ZMAT4: variants seen among roughly 807,000 people sequenced by gnomAD.
ZMAT4 encodes zinc finger matrin-type 4, also known as zinc finger matrin-type protein 4.
ZMAT4 carries 17 observed loss-of-function variants against 28.7 expected under a neutral mutation model. The observed-to-expected ratio is 0.59, with a 90% confidence interval of 0.41 to 0.89. The LOEUF (loss-of-function observed/expected upper bound fraction) is 0.89. ZMAT4 is among the 40% of genes least tolerant of loss of function. The pLI is 0.00. For synonymous variants in ZMAT4, 117 were observed against 109.2 expected (o/e 1.07, Z -0.44); for missense variants, 240 against 283.8 (o/e 0.85, Z 1.11).
rs118157027 is a variant in ZMAT4, at chr8:40,703,507, G to A, written c.193-6106C>T. 5.5e-4 allele frequency among the ~76,000 whole-genome samples: 84 copies of A among 152,320 alleles called. 1 individual carries two copies. In the East Asian group the frequency reaches 0.016, roughly 29 times the overall value. ...CCACATAATGTATGACTCTGTTTATGTGATATTTCCAGAATAAGAAAATCT... is the reference window on the plus strand; with the variant it reads ...CCACATAATGTATGACTCTGTTTATATGATATTTCCAGAATAAGAAAATCT... On this transcript the variant is annotated intron_variant, in intron 3 of 6. Coordinates refer to ENST00000297737, the MANE Select transcript of ZMAT4 (RefSeq NM_024645.3).
At chr8:40,585,585 T>A (rs763758923) in intron 5 of ZMAT4, among the ~76,000 whole-genome samples, 1 of 150,976 alleles carries the variant, frequency 6.6e-6, no homozygotes, top group Admixed American at 6.6e-5. Flanking sequence ...ACTGGACCTT[T>A]AAAAAAAAAG....
chr8:40,824,441 T>A (rs915563998), intron 2 of ZMAT4, among the ~76,000 whole-genome samples: 5 of 151,924 alleles, frequency 3.3e-5, no homozygotes, highest in African/African-American at 1.2e-4. Context: ...TGAGACCCTG[T>A]CTCAAAAAGA....
intron 5 of ZMAT4, among the ~76,000 whole-genome samples, chr8:40,629,673 T>C (rs920915336): frequency 1.3e-5 from 2 of 151,574 alleles, no homozygotes; most frequent in African/African-American, 4.8e-5. Flanking sequence ...TTTTTGTCCT[T>C]GAGATAGTTT....
At chr8:40,824,749 A>C (rs907906589) in intron 2 of ZMAT4, among the ~76,000 whole-genome samples, 1 of 151,244 alleles carries the variant, frequency 6.6e-6, no homozygotes, top group Non-Finnish European at 1.5e-5. Context: ...GAAAGAAAAG[A>C]AAAAAAGAAA....
At chr8:40,746,290 CTT>C (rs1426208059) in intron 3 of ZMAT4, among the ~76,000 whole-genome samples, 2 of 137,636 alleles carry the variant, frequency 1.5e-5, no homozygotes, top group African/African-American at 5.5e-5. Flanking sequence ...TCTTTCTTTT[CTT>C]TCTTTCTCCC....
At chr8:40,748,028 T>TA (rs1812309822) in intron 3 of ZMAT4, among the ~76,000 whole-genome samples, 1 of 152,242 alleles carries the variant, frequency 6.6e-6, no homozygotes, top group African/African-American at 2.4e-5. Flanking sequence ...AATGACTATC[T>TA]AAAATTATAT....
chr8:40,743,359 T>C lies in ZMAT4; in HGVS notation c.192+24282A>G, dbSNP rs923324267. Among the ~76,000 whole-genome samples the C allele has an allele frequency of 2.6e-5, 4 of 152,266 alleles. No homozygotes were observed. In the East Asian group the frequency reaches 5.8e-4, roughly 22 times the overall value. On this transcript the variant is annotated intron_variant, in intron 3 of 6. Transcript: ENST00000297737. ...AGCTTCCTTCCTGATTATTCTCTAA[T>C]GGACTCAAGAAATCGGGAGGAGCCC... is the stretch of plus-strand genomic sequence containing the variant.
intron 2 of ZMAT4, among the ~76,000 whole-genome samples, chr8:40,812,071 C>A (rs1051105900): frequency 6.6e-5 from 10 of 152,182 alleles, no homozygotes; most frequent in Admixed American, 6.5e-4. Context: ...GCAGAGGTTG[C>A]AGTGAACTGA....
intron 1 of ZMAT4, among the ~76,000 whole-genome samples, chr8:40,849,654 T>G (rs1271843953): frequency 6.6e-6 from 1 of 152,142 alleles, no homozygotes; most frequent in Non-Finnish European, 1.5e-5. Flanking sequence ...CATCACTCAC[T>G]CTGTTCTCTC....
At chr8:40,786,710 C>A (rs747026985) in intron 2 of ZMAT4, 1 of 1,289,252 alleles carries the variant, frequency 7.8e-7, no homozygotes, top group East Asian at 5.6e-5. Context: ...CACACAGCCA[C>A]CTTCTTCAGT....
At chr8:40,614,808 C>A (rs1471888078) in intron 5 of ZMAT4, among the ~76,000 whole-genome samples, 1 of 152,100 alleles carries the variant, frequency 6.6e-6, no homozygotes, top group Non-Finnish European at 1.5e-5. Context: ...TTATTTTGAG[C>A]CTATGTGTGT....
chr8:40,645,902 TACA>T (rs1807285565), intron 5 of ZMAT4, among the ~76,000 whole-genome samples: 1 of 152,098 alleles, frequency 6.6e-6, no homozygotes, highest in Non-Finnish European at 1.5e-5. Flanking sequence ...GTAACAATAA[TACA>T]ACAAAGTGAT....
intron 1 of ZMAT4, among the ~76,000 whole-genome samples, chr8:40,884,070 G>A (rs7823300): frequency 0.042 from 6,422 of 152,230 alleles, 430 homozygotes; most frequent in African/African-American, 0.14. Context: ...TGTGCAGGGA[G>A]CATTTGTCTC....
At chr8:40,687,093 G>T (rs755167338) in intron 4 of ZMAT4, among the ~76,000 whole-genome samples, 2 of 152,184 alleles carry the variant, frequency 1.3e-5, no homozygotes, top group Non-Finnish European at 2.9e-5. Context: ...AGCTATCTAC[G>T]ATGTTTTACA....
At chr8:40,722,143 G>A (rs1193084502) in intron 3 of ZMAT4, among the ~76,000 whole-genome samples, 2 of 151,894 alleles carry the variant, frequency 1.3e-5, no homozygotes, top group African/African-American at 2.4e-5. Context: ...AACACCAAAA[G>A]CAATGGCAAC....
intron 5 of ZMAT4, among the ~76,000 whole-genome samples, chr8:40,663,008 A>G (rs1403091139): frequency 1.3e-5 from 2 of 152,166 alleles, no homozygotes; most frequent in African/African-American, 4.8e-5. Context: ...TCCAATGATC[A>G]CATCCTCTAC....
chr8:40,567,435 C>CA (rs1281334304), intron 6 of ZMAT4, among the ~76,000 whole-genome samples: 1 of 151,806 alleles, frequency 6.6e-6, no homozygotes, highest in Non-Finnish European at 1.5e-5. Context: ...AACATTAACT[C>CA]AAAAAAGAAG....
At chr8:40,687,961 C>G (rs1424593094) in intron 4 of ZMAT4, among the ~76,000 whole-genome samples, 1 of 152,166 alleles carries the variant, frequency 6.6e-6, no homozygotes. Flanking sequence ...AGCAATCCTT[C>G]CTTCAGATGA....
At chr8:40,857,478 C>G (rs918659734) in intron 1 of ZMAT4, among the ~76,000 whole-genome samples, 1 of 152,096 alleles carries the variant, frequency 6.6e-6, no homozygotes, top group Admixed American at 6.6e-5. Flanking sequence ...TGGAATTCCA[C>G]TACACATTTG....
Sources: gnomAD v4.1 joint callset for allele counts (sites outside exome capture counted in the v4.1 genomes callset) on GRCh38, gnomAD v4.1.1 for gene constraint, MANE v1.5 for transcripts, NCBI Gene and HGNC (gene_info 2026-07-23, HGNC 2026-07-21) for gene names.